Variants in RGS7 observed in about 807,000 individuals in gnomAD.
RGS7 encodes the protein regulator of G-protein signaling 7.
Under a neutral mutation model 81.1 loss-of-function variants are expected in RGS7, and 27 were observed. The ratio of observed to expected loss-of-function variants is 0.33; its 90% CI spans 0.25 to 0.46. RGS7 has a LOEUF of 0.46. RGS7 is among the 20% of genes least tolerant of loss of function. RGS7 has a pLI of 1.00. For synonymous variants in RGS7, 208 were observed against 207.7 expected (o/e 1.00, Z -0.01); for missense variants, 396 against 607.4 (o/e 0.65, Z 3.66).
intron 6 of RGS7, among the ~76,000 whole-genome samples, chr1:240,888,311 C>T (rs1035742650): frequency 1.3e-5 from 2 of 152,158 alleles, no homozygotes; most frequent in African/African-American, 4.8e-5. Context: ...AATCCTAAAA[C>T]AGTAAAGGGG....
At chr1:240,841,624 T>G (rs1020237298) in intron 9 of RGS7, among the ~76,000 whole-genome samples, 3 of 152,226 alleles carry the variant, frequency 2.0e-5, no homozygotes, top group Non-Finnish European at 4.4e-5. Flanking sequence ...CTCTAAACTA[T>G]ATAGATTAGT....
chr1:241,136,596 C>T (rs1316236338), intron 2 of RGS7, among the ~76,000 whole-genome samples: 2 of 152,174 alleles, frequency 1.3e-5, no homozygotes, highest in Non-Finnish European at 2.9e-5. Context: ...GCACCACCCA[C>T]GAAAGGCCGG....
At chr1:241,071,499 T>C in intron 3 of RGS7, among the ~76,000 whole-genome samples, 1 of 1,544 alleles carries the variant, frequency 6.5e-4, no homozygotes, top group African/African-American at 7.5e-4. Context: ...GTTTAAGTGT[T>C]TTTTTTTTTT....
chr1:241,230,337 C>T (rs543586384), intron 2 of RGS7, among the ~76,000 whole-genome samples: 2 of 152,086 alleles, frequency 1.3e-5, no homozygotes, highest in Non-Finnish European at 2.9e-5. Context: ...CCTCAGCCTC[C>T]TGAGTAGCTG....
chr1:241,279,973 C>A (rs1044964599), intron 2 of RGS7, among the ~76,000 whole-genome samples: 1 of 152,120 alleles, frequency 6.6e-6, no homozygotes, highest in African/African-American at 2.4e-5. Flanking sequence ...GGAAGAACAT[C>A]TTAATTCTTT....
At chr1:241,192,251 AC>A (rs1173513677) in intron 2 of RGS7, among the ~76,000 whole-genome samples, 1 of 14,550 alleles carries the variant, frequency 6.9e-5, no homozygotes, top group African/African-American at 3.8e-4. Flanking sequence ...TTCTGTCTGC[AC>A]GTGTGTGTGT....
rs138017468 is a variant in RGS7, at chr1:241,132,087, G to A, written c.79-33325C>T. 1.1e-3 allele frequency among the ~76,000 whole-genome samples: 173 copies of A among 152,334 alleles called. 1 individual carries two copies. The highest frequency in any genetic ancestry group is 4.0e-3 in the African/African-American group (167 of 41,562). On this transcript the variant is annotated intron_variant, in intron 2 of 18. Transcript: ENST00000440928. The stretch of plus-strand genomic sequence containing the variant: ...AGGACCGCCAGGCTCCAAGAGCCAA[G>A]TATTCTGATCACTTTTTCCTTAATG...
intron 3 of RGS7, among the ~76,000 whole-genome samples, chr1:241,024,842 T>A (rs1320382591): frequency 6.7e-6 from 1 of 149,778 alleles, no homozygotes; most frequent in Non-Finnish European, 1.5e-5. Flanking sequence ...GAAAAGCAGA[T>A]GTGATTCTCC....
intron 10 of RGS7, among the ~76,000 whole-genome samples, chr1:240,825,422 CTG>C (rs1191096981): frequency 2.6e-5 from 4 of 152,226 alleles, no homozygotes; most frequent in African/African-American, 9.7e-5. Context: ...ACACTTCTGA[CTG>C]TGAGAAGCTA....
At chr1:241,286,998 A>G (rs943679014) in intron 2 of RGS7, among the ~76,000 whole-genome samples, 3 of 152,230 alleles carry the variant, frequency 2.0e-5, no homozygotes, top group South Asian at 2.1e-4. Flanking sequence ...CTTAAATCTC[A>G]AAGTACAACT....
At chr1:241,249,070 T>G (rs576412736) in intron 2 of RGS7, among the ~76,000 whole-genome samples, 1 of 152,348 alleles carries the variant, frequency 6.6e-6, no homozygotes, top group East Asian at 1.9e-4. Flanking sequence ...ATATCTTGTC[T>G]TTTCATCCTC....
chr1:240,952,415 A>G (rs191093146), intron 4 of RGS7, among the ~76,000 whole-genome samples: 31 of 152,198 alleles, frequency 2.0e-4, no homozygotes, highest in African/African-American at 7.2e-4. Context: ...ATGAAACAGT[A>G]TAGTGTAATT....
At chr1:241,172,582 T>C (rs190324130) in intron 2 of RGS7, among the ~76,000 whole-genome samples, 233 of 152,270 alleles carry the variant, frequency 1.5e-3, no homozygotes, top group Admixed American at 3.1e-3. Context: ...TTAGAAAGAA[T>C]TGTCCAGGCT....
At chr1:241,002,749 G>C (rs1262828177) in intron 3 of RGS7, among the ~76,000 whole-genome samples, 1 of 152,160 alleles carries the variant, frequency 6.6e-6, no homozygotes, top group Non-Finnish European at 1.5e-5. Context: ...TTGACAAAGA[G>C]ACCAGAAAAC....
chr1:240,794,908 C>G (rs543061329), intron 18 of RGS7, among the ~76,000 whole-genome samples: 2 of 152,006 alleles, frequency 1.3e-5, no homozygotes, highest in South Asian at 4.1e-4. Context: ...TAAGGCTGGG[C>G]GTGGTGGCTC....
intron 2 of RGS7, among the ~76,000 whole-genome samples, chr1:241,300,702 T>C (rs975467209): frequency 6.6e-6 from 1 of 152,260 alleles, no homozygotes; most frequent in Non-Finnish European, 1.5e-5. Context: ...TTAGCAATTA[T>C]GAACAAAGCT....
chr1:240,988,651 C>T (rs1686013099), intron 3 of RGS7, among the ~76,000 whole-genome samples: 1 of 152,198 alleles, frequency 6.6e-6, no homozygotes, highest in Non-Finnish European at 1.5e-5. Flanking sequence ...ATTGTCACAT[C>T]TGAGGGTTCA....
intron 18 of RGS7, among the ~76,000 whole-genome samples, chr1:240,790,137 C>T (rs1285234872): frequency 6.6e-6 from 1 of 152,166 alleles, no homozygotes; most frequent in East Asian, 1.9e-4. Context: ...GAGGCTGAAG[C>T]AGGAGAATCA....
At chr1:240,930,222 C>CTTTTTTTTTTTTTTTTTTTTTTTT (rs10676730) in intron 6 of RGS7, among the ~76,000 whole-genome samples, 1 of 113,874 alleles carries the variant, frequency 8.8e-6, no homozygotes, top group African/African-American at 3.4e-5. Flanking sequence ...TCTTTTTTAG[C>CTTTTTTTTTTTTTTTTTTTTTTTT]TTTTTTTTTT....
Sources: gnomAD v4.1 joint callset for allele counts (sites outside exome capture counted in the v4.1 genomes callset) on GRCh38, gnomAD v4.1.1 for gene constraint, MANE v1.5 for transcripts, NCBI Gene and HGNC (gene_info 2026-07-23, HGNC 2026-07-21) for gene names.